The following RPL28 variants were observed in gnomAD, a reference collection of about 807,000 sequenced individuals.
The protein encoded by RPL28 is large ribosomal subunit protein eL28.
RPL28 carries 4 observed loss-of-function variants against 12.5 expected under a neutral mutation model. That is an observed-to-expected ratio of 0.32 (90% CI 0.16 to 0.73). The LOEUF (loss-of-function observed/expected upper bound fraction) is 0.73, where lower values mean the gene tolerates loss of function less well. Among genes scored for constraint, RPL28 ranks in the 30% least tolerant of loss-of-function variants. The pLI is 0.66. For missense variants in RPL28, 214 were observed against 197.7 expected (o/e 1.08, Z -0.49); for synonymous variants, 91 against 72.5 (o/e 1.26, Z -1.30).
In RPL28 at chr19:55,389,507, C is replaced by G; in HGVS notation, c.*1175C>G. The stretch of plus-strand genomic sequence containing the variant: ...GGGGTACCCGATTCAAAGAAGGACT[C>G]TGCTCCCTGTCTGAGACCACCCCCG... On this transcript the variant is annotated 3_prime_UTR_variant, in exon 5 of 5. Transcript: ENST00000344063. 5.1e-6 allele frequency: 5 copies of G among 985,482 alleles called. No homozygotes were observed. The highest frequency in any genetic ancestry group is 4.8e-6 in the Non-Finnish European group (4 of 829,958). 61.0% of individuals were successfully genotyped at this position (985,482 alleles called of 1,614,324 possible).
chr19:55,396,667 A>G (rs182723061), downstream of RPL28, among the ~76,000 whole-genome samples: 1,355 of 126,434 alleles, frequency 0.011, 11 homozygotes, highest in Non-Finnish European at 0.018. Context: ...TGCAAGTTCC[A>G]CCTCCCGGGT....
chr19:55,401,498 G>A (rs780473933), intron 4 of RPL28: 44 of 1,609,522 alleles, frequency 2.7e-5, no homozygotes, highest in Non-Finnish European at 3.4e-5. Context: ...TTCTTATCGC[G>A]CTCGCCAGCA....
rs766224579 is a variant in RPL28 at position 55,386,352 on chromosome 19, G to T, written c.-6G>T. The T allele has an allele frequency of 6.2e-7, 1 of 1,613,646 alleles. No homozygotes were observed. Among genetic ancestry groups the T allele is most frequent in the Non-Finnish European group, 8.5e-7 (1 of 1,179,858 alleles). On this transcript the variant is annotated splice_region_variant and 5_prime_UTR_variant, in exon 2 of 5. Coordinates refer to ENST00000344063, the MANE Select transcript of RPL28 (RefSeq NM_000991.5). ...TCCCTGTGCCCGTTTCCCCGCAGCC[G>T]CCGCCATGTCTGCGCATCTGCAATG...
At chr19:55,386,871 G>A (rs1178944120) in intron 3 of RPL28, 178 bp downstream of exon 3, 1 of 1,546,104 alleles carries the variant, frequency 6.5e-7, no homozygotes, top group South Asian at 1.2e-5. Flanking sequence ...TGTGAGCCGC[G>A]CGCGTCTGAG....
rs1600304851 is a variant in RPL28, at chr19:55,389,276, C to G, written c.*944C>G. ...AGTAGAGGCTGAGGTGAGCGGAGCA[C>G]TTGAGCCAAGAGTATGAGGCTGCAG... On this transcript the variant is annotated 3_prime_UTR_variant, in exon 5 of 5. Transcript: ENST00000344063. The G allele has an allele frequency of 1.1e-6, 1 of 940,450 alleles. No individual in the cohort carries two copies. The highest frequency in any genetic ancestry group is 1.3e-6 in the Non-Finnish European group (1 of 789,102). The allele number at this position is 940,450 out of a possible 1,614,324, so 58.3% of individuals were successfully genotyped here.
rs73054982 is a variant in RPL28, at chr19:55,390,567, C to A, written c.*2235C>A. 116,360 of 985,664 alleles carry A rather than the reference C, an allele frequency of 0.12. 7,536 individuals are homozygous for A. The highest frequency in any genetic ancestry group is 0.13 in the Non-Finnish European group (107,187 of 830,136). The allele number at this position is 985,664 out of a possible 1,614,324, so 61.1% of individuals were successfully genotyped here. On this transcript the variant is annotated 3_prime_UTR_variant, in exon 5 of 5. Transcript: ENST00000344063. Reference sequence around the variant, plus strand: ...CCTTGCCTGCCCTGGAGGCTTGTGCCTCTAGGCCCCACCCCCTGTGGAGTC... The same window carrying A: ...CCTTGCCTGCCCTGGAGGCTTGTGCATCTAGGCCCCACCCCCTGTGGAGTC...
rs1313615145 is a variant in RPL28, at chr19:55,391,355, G to A, written c.*3023G>A. 1.7e-6 allele frequency: 2 copies of A among 1,144,960 alleles called. No individual in the cohort carries two copies. Among genetic ancestry groups the A allele is most frequent in the East Asian group, 3.2e-5 (1 of 31,432 alleles). 70.9% of individuals were successfully genotyped at this position (1,144,960 alleles called of 1,614,324 possible). On this transcript the variant is annotated 3_prime_UTR_variant, in exon 5 of 5. Transcript: ENST00000344063. ...TCCCATATGTAAAAGGCCATTTTGA[G>A]TGCCTTTCACAGCCCTGCATAAGGC... is the stretch of plus-strand genomic sequence containing the variant.
chr19:55,390,855 A>AC lies in RPL28; in HGVS notation c.*2525dup. The AC allele has an allele frequency of 1.0e-6, 1 of 985,382 alleles. No individual in the cohort carries two copies. Among genetic ancestry groups the AC allele is most frequent in the Non-Finnish European group, 1.2e-6 (1 of 829,908 alleles). The allele number at this position is 985,382 out of a possible 1,614,324, so 61.0% of individuals were successfully genotyped here. A position where few individuals can be genotyped will look rare whatever the true frequency, so the allele number is the denominator to read the frequency against. ...CAGTGTGCTGAGCAAACGTGGAGACACCATTTCCCTCCTCTAGACCTCATC... is the reference window on the plus strand; with the variant it reads ...CAGTGTGCTGAGCAAACGTGGAGACACCCATTTCCCTCCTCTAGACCTCATC... On this transcript the variant is annotated 3_prime_UTR_variant, in exon 5 of 5. Transcript: ENST00000344063.
intron 3 of RPL28, chr19:55,386,896 T>G: frequency 6.6e-7 from 1 of 1,512,446 alleles, no homozygotes; most frequent in East Asian, 2.5e-5. Flanking sequence ...TGTCCTCACC[T>G]GTAAAGTGGA....
chr19:55,396,654 C>T (rs1158194257), downstream of RPL28, among the ~76,000 whole-genome samples: 2 of 139,612 alleles, frequency 1.4e-5, no homozygotes, highest in Non-Finnish European at 3.1e-5. Flanking sequence ...TGCAGTGGCT[C>T]ACTGCAAGTT....
rs2089989063 is a variant in RPL28 at position 55,391,456 on chromosome 19, C to G, written c.*3124C>G. The G allele has an allele frequency of 7.3e-7, 1 of 1,361,560 alleles. No homozygotes were observed. The highest frequency in any genetic ancestry group is 3.1e-5 in the Admixed American group (1 of 32,076). 84.3% of individuals were successfully genotyped at this position (1,361,560 alleles called of 1,614,324 possible). A position where few individuals can be genotyped will look rare whatever the true frequency, so the allele number is the denominator to read the frequency against. On this transcript the variant is annotated 3_prime_UTR_variant, in exon 5 of 5. Transcript: ENST00000344063. ...CATGGTGAGTGAGCGTAGGGCGCAC[C>G]CTGGAAGGCTGCCAAGCCCAAAGTT...
rs1234046123 is a variant in RPL28, at chr19:55,388,610, A to AG, written c.*280dup. On this transcript the variant is annotated 3_prime_UTR_variant, in exon 5 of 5. Transcript: ENST00000344063. ...GATTGAGACCTACTGTCCCATTGTG[A>AG]GGTGGCCTGAAGAATCCCAGCTGGG... The AG allele has an allele frequency of 3.3e-6, 4 of 1,219,834 alleles. No individual in the cohort carries two copies. The East Asian group carries it at 1.0e-4, about 31-fold the overall frequency. The allele number at this position is 1,219,834 out of a possible 1,614,324, so 75.6% of individuals were successfully genotyped here. A position where few individuals can be genotyped will look rare whatever the true frequency, so the allele number is the denominator to read the frequency against.
intron 3 of RPL28, 85 bp downstream of exon 3, chr19:55,386,778 G>T: frequency 6.2e-7 from 1 of 1,611,948 alleles, no homozygotes; most frequent in Non-Finnish European, 8.5e-7. Context: ...CAGGAAGAGC[G>T]GTAACTGCCA....
chr19:55,388,659 GA>G lies in RPL28; in HGVS notation c.*330del. ...GGGCAGTGGCTTCCATTCAGAAGAA[GA>G]AAGGCCTTTTCTAGCCCAGAAGGGT... On this transcript the variant is annotated 3_prime_UTR_variant, in exon 5 of 5. Coordinates refer to ENST00000344063, the MANE Select transcript of RPL28 (RefSeq NM_000991.5). 8.7e-7 allele frequency: 1 copy of G among 1,147,724 alleles called. No homozygotes were observed. Among genetic ancestry groups the G allele is most frequent in the Non-Finnish European group, 1.1e-6 (1 of 934,462 alleles). The allele number at this position is 1,147,724 out of a possible 1,614,324, so 71.1% of individuals were successfully genotyped here.
At chr19:55,394,571 A>G (rs2090010602), downstream of RPL28, among the ~76,000 whole-genome samples, 1 of 149,922 alleles carries the variant, frequency 6.7e-6, no homozygotes, top group Non-Finnish European at 1.5e-5. Flanking sequence ...CAGAATTTCT[A>G]TTTATTTATA....
In RPL28 at chr19:55,401,562, G is replaced by A. The variant is rs1196436153; in HGVS notation, c.325-1381G>A. On this transcript the variant is annotated intron_variant, in intron 4 of 4. Coordinates refer to the RPL28 transcript ENST00000560055. ...CTCCCGGGCCCCCTGGGGCCCCAGG[G>A]TCGGTGGAGGAAGCTTCAGTGCCAC... The A allele has an allele frequency of 2.5e-6, 4 of 1,610,260 alleles. No homozygotes were observed. In the African/African-American group the frequency reaches 5.3e-5, roughly 22 times the overall value.
Position 55,388,836 on chromosome 19 carries a change from A to G in RPL28, c.*504A>G. The G allele has an allele frequency of 3.0e-6, 3 of 987,334 alleles. No individual in the cohort carries two copies. The highest frequency in any genetic ancestry group is 3.6e-6 in the Non-Finnish European group (3 of 831,324). The allele number at this position is 987,334 out of a possible 1,614,324, so 61.2% of individuals were successfully genotyped here. On this transcript the variant is annotated 3_prime_UTR_variant, in exon 5 of 5. Transcript: ENST00000344063. ...GTGGGTGCAGCCACATTTGGAGGGG[A>G]TGGGCTTTACTTGATGCAACCTCAT...
At chr19:55,386,489 C>G (rs556414037) in intron 2 of RPL28, 51 bp downstream of exon 2, 2 of 1,601,710 alleles carry the variant, frequency 1.2e-6, no homozygotes, top group South Asian at 2.2e-5. Context: ...TCCTGAGTCT[C>G]TTGACTCTGG....
At position 55,390,688 on chromosome 19, in the gene RPL28, C is replaced by G. The variant is rs2089981783; in HGVS notation, c.*2356C>G. 1 of 985,326 alleles carries G rather than the reference C, an allele frequency of 1.0e-6. No homozygotes were observed. The highest frequency in any genetic ancestry group is 1.2e-6 in the Non-Finnish European group (1 of 829,960). The allele number at this position is 985,326 out of a possible 1,614,324, so 61.0% of individuals were successfully genotyped here. A position where few individuals can be genotyped will look rare whatever the true frequency, so the allele number is the denominator to read the frequency against. On this transcript the variant is annotated 3_prime_UTR_variant, in exon 5 of 5. Transcript: ENST00000344063. ...AGCCCAGCTTAGTGGGCCTCTGTTC[C>G]TGCGGGTGGCCAGCCTGTCTGTGTG... is the stretch of plus-strand genomic sequence containing the variant.
Sources: gnomAD v4.1 joint callset for allele counts (sites outside exome capture counted in the v4.1 genomes callset) on GRCh38, gnomAD v4.1.1 for gene constraint, MANE v1.5 for transcripts, NCBI Gene and HGNC (gene_info 2026-07-23, HGNC 2026-07-21) for gene names.